PKP1: variants seen among roughly 807,000 people sequenced by gnomAD.
The protein encoded by PKP1 is plakophilin-1.
A neutral mutation model predicts 76.4 loss-of-function variants in PKP1; 27 were observed. The ratio of observed to expected loss-of-function variants is 0.35; its 90% CI spans 0.26 to 0.49. The LOEUF (loss-of-function observed/expected upper bound fraction) is 0.49, where lower values mean the gene tolerates loss of function less well. Ranked by LOEUF, PKP1 falls within the 20% of genes least tolerant of loss-of-function variation. The pLI, the probability that PKP1 is intolerant of heterozygous loss-of-function variation, is 0.99. For synonymous variants in PKP1, 404 were observed against 384.2 expected (o/e 1.05, Z -0.60); for missense variants, 964 against 955.2 (o/e 1.01, Z -0.12).
chr1:201,290,870 G>A (rs763492928), intron 1 of PKP1, among the ~76,000 whole-genome samples: 4 of 152,162 alleles, frequency 2.6e-5, no homozygotes, highest in Admixed American at 6.5e-5. Flanking sequence ...ATCAGGAAAG[G>A]CTTCCTAGAA....
chr1:201,329,456 A>G (rs1202218558), intron 13 of PKP1, among the ~76,000 whole-genome samples: 1 of 152,234 alleles, frequency 6.6e-6, no homozygotes. Context: ...ATAGCCCTGG[A>G]GTGGGATCCA....
At chr1:201,329,812 G>A (rs1657262275) in intron 13 of PKP1, among the ~76,000 whole-genome samples, 1 of 152,224 alleles carries the variant, frequency 6.6e-6, no homozygotes, top group South Asian at 2.1e-4. Flanking sequence ...ATTCGGTTTG[G>A]CAAATCCTTA....
chr1:201,319,975 G>A (rs1656887213), intron 6 of PKP1: 1 of 1,319,356 alleles, frequency 7.6e-7, no homozygotes. Context: ...GAAGAACTGA[G>A]TGCAAATGAG....
chr1:201,299,971 C>A (rs965669154), intron 2 of PKP1, among the ~76,000 whole-genome samples: 16 of 152,240 alleles, frequency 1.1e-4, no homozygotes, highest in African/African-American at 3.9e-4. Flanking sequence ...AGACCACAGC[C>A]TCCTACTCCC....
chr1:201,308,733 T>G (rs1031827245), intron 2 of PKP1, among the ~76,000 whole-genome samples: 12 of 141,002 alleles, frequency 8.5e-5, no homozygotes, highest in East Asian at 2.1e-4. Flanking sequence ...ACAGGCAGGG[T>G]GGGGCTGGGC....
rs1210677047 is a variant in PKP1 at position 201,316,714 on chromosome 1, C to T, written c.846+17C>T. On this transcript the variant is annotated intron_variant, in intron 4 of 13. Transcript: ENST00000367324. ...AAGCAACAGGTAGCTGGTTGCATAC[C>T]TTCCTCCTTGGTGGGCCTGCGGAGG... The T allele has an allele frequency of 2.5e-6, 4 of 1,613,252 alleles. No homozygotes were observed. The highest frequency in any genetic ancestry group is 4.5e-5 in the East Asian group (2 of 44,882).
intron 2 of PKP1, among the ~76,000 whole-genome samples, chr1:201,309,940 G>C (rs368559416): frequency 6.6e-6 from 1 of 152,198 alleles, no homozygotes; most frequent in Non-Finnish European, 1.5e-5. Context: ...GGCTTCACTC[G>C]AAGTGCCCCA....
At chr1:201,300,004 A>G (rs1656177837) in intron 2 of PKP1, among the ~76,000 whole-genome samples, 3 of 152,232 alleles carry the variant, frequency 2.0e-5, no homozygotes, top group Admixed American at 2.0e-4. Flanking sequence ...ATCCTGCTCC[A>G]AGAGGGAGCA....
In PKP1 at chr1:201,317,732, G is replaced by A; in HGVS notation, c.1007G>A (p.Ser336Asn). The change falls in exon 5 of 14, where the codon AGC (serine) becomes AAC (asparagine). Residue 336 changes from serine (S) to asparagine (N), a missense_variant. Ser to Asn is a conservative substitution (Grantham distance 46, BLOSUM62 1). Coordinates refer to ENST00000367324, the MANE Select transcript of PKP1 (RefSeq NM_001005337.3). Reference sequence around the variant, plus strand: ...CAGAATGGGATCCGCGAGGCAGTCAGCCTCCTGAGGAGAACCGGGAACGCC... The same window carrying A: ...CAGAATGGGATCCGCGAGGCAGTCAACCTCCTGAGGAGAACCGGGAACGCC... ...RRQNGIREAVSLLRRTGNAEI... is the reference protein window; with the variant it reads ...RRQNGIREAVNLLRRTGNAEI... 1.9e-6 allele frequency: 3 copies of A among 1,613,952 alleles called. No homozygotes were observed. The highest frequency in any genetic ancestry group is 2.5e-6 in the Non-Finnish European group (3 of 1,179,964).
At chr1:201,322,256 A>G in intron 8 of PKP1, 123 bp downstream of exon 8, 1 of 1,052,828 alleles carries the variant, frequency 9.5e-7, no homozygotes, top group Non-Finnish European at 1.4e-6. Flanking sequence ...GGACAGGCCC[A>G]TGCTGACACC....
chr1:201,309,126 T>G (rs1656455423), intron 2 of PKP1, among the ~76,000 whole-genome samples: 6 of 152,026 alleles, frequency 3.9e-5, no homozygotes. Flanking sequence ...TATTCAGTTC[T>G]TTGAGGCCCT....
At position 201,317,787 on chromosome 1, in the gene PKP1, A is replaced by T. The variant is rs1212618435; in HGVS notation, c.1054+8A>T. 1 of 1,611,926 alleles carries T rather than the reference A, an allele frequency of 6.2e-7. No individual in the cohort carries two copies. Among genetic ancestry groups the T allele is most frequent in the Non-Finnish European group, 8.5e-7 (1 of 1,179,376 alleles). ...TCCAGAAGCAGCTGACTGGTAGGAC[A>T]ACACGGCCACCGAGAGCCAGCCTGA... On this transcript the variant is annotated splice_region_variant and intron_variant, in intron 5 of 13. Coordinates refer to ENST00000367324, the MANE Select transcript of PKP1 (RefSeq NM_001005337.3).
chr1:201,303,612 T>A (rs1391816371), intron 2 of PKP1, among the ~76,000 whole-genome samples: 1 of 152,192 alleles, frequency 6.6e-6, no homozygotes, highest in African/African-American at 2.4e-5. Flanking sequence ...ATTTTTTTGT[T>A]TGTTTGTTTG....
In PKP1 at chr1:201,323,061, G is replaced by A; in HGVS notation, c.1552G>A (p.Gly518Ser). 1 of 1,614,100 alleles carries A rather than the reference G, an allele frequency of 6.2e-7. No homozygotes were observed. The highest frequency in any genetic ancestry group is 8.5e-7 in the Non-Finnish European group (1 of 1,180,006). ...GCCTGAGGAAGAGACCAACCCCAAG[G>A]GCAGCGGCTGGTTGTACCATTCAGA... is the stretch of plus-strand genomic sequence containing the variant. ...PLPEEETNPK[G>S]SGWLYHSDAI... The change falls in exon 9 of 14, where the codon GGC becomes AGC. Residue 518 changes from glycine to serine, a missense_variant. Transcript: ENST00000367324.
intron 1 of PKP1, among the ~76,000 whole-genome samples, chr1:201,290,726 C>A (rs1221152037): frequency 1.3e-5 from 2 of 152,174 alleles, no homozygotes; most frequent in Non-Finnish European, 2.9e-5. Flanking sequence ...CAGGCCCAGA[C>A]CCAGCTGGGG....
At chr1:201,318,514 T>C (rs1339199751) in intron 5 of PKP1, 104 bp from the exon 6 acceptor site, 18 of 982,830 alleles carry the variant, frequency 1.8e-5, no homozygotes, top group Non-Finnish European at 2.6e-5. Flanking sequence ...GAAAGCGACA[T>C]TTCAGTAGGG....
At chr1:201,329,317 T>G (rs532287103) in intron 13 of PKP1, among the ~76,000 whole-genome samples, 3 of 152,208 alleles carry the variant, frequency 2.0e-5, no homozygotes, top group Non-Finnish European at 4.4e-5. Flanking sequence ...TTCCAGCTGA[T>G]GATTCTAGGC....
chr1:201,317,843 A>G (rs1571558209), intron 5 of PKP1, 64 bp downstream of exon 5: 1 of 1,467,188 alleles, frequency 6.8e-7, no homozygotes, highest in African/African-American at 1.4e-5. Flanking sequence ...CTATGGCCCC[A>G]GGCTGGGGTG....
intron 1 of PKP1, among the ~76,000 whole-genome samples, chr1:201,290,081 G>A (rs928965076): frequency 2.6e-5 from 4 of 152,272 alleles, no homozygotes; most frequent in South Asian, 2.1e-4. Context: ...GAGTTGCACC[G>A]ATGACACAAG....
Sources: allele counts gnomAD v4.1 joint callset (sites outside exome capture counted in the v4.1 genomes callset), GRCh38; gene constraint gnomAD v4.1.1; transcripts MANE v1.5; gene names NCBI Gene and HGNC (gene_info 2026-07-23, HGNC 2026-07-21).